EIF4E3: variants seen among roughly 807,000 people sequenced by gnomAD.
EIF4E3 encodes eukaryotic translation initiation factor 4E type 3.
EIF4E3 carries 26 observed loss-of-function variants against 31.7 expected under a neutral mutation model. That is an observed-to-expected ratio of 0.82 (90% CI 0.60 to 1.14). EIF4E3 has a LOEUF of 1.14. Among genes scored for constraint, EIF4E3 ranks in the 50% most tolerant of loss-of-function variants. The pLI, the probability that EIF4E3 is intolerant of heterozygous loss-of-function variation, is 0.00. For missense variants in EIF4E3, 304 were observed against 270.9 expected (o/e 1.12, Z -0.86); for synonymous variants, 128 against 107.7 (o/e 1.19, Z -1.17).
rs888387470 is a variant in EIF4E3, at chr3:71,725,384, G to T, written c.-17C>A. 5 of 977,992 alleles carry T rather than the reference G, an allele frequency of 5.1e-6. No individual in the cohort carries two copies. In the African/African-American group the frequency reaches 8.9e-5, roughly 17 times the overall value. 60.6% of individuals were successfully genotyped at this position (977,992 alleles called of 1,614,324 possible). A position where few individuals can be genotyped will look rare whatever the true frequency, so the allele number is the denominator to read the frequency against. On this transcript the variant is annotated 5_prime_UTR_variant, in exon 1 of 7. Transcript: ENST00000425534. This position sits in a 1 kb window ranked among gnomAD's most constrained non-coding sequence, Gnocchi z 6.1. ...CAGCGCCATTTTCTCCGCCCCGCCT[G>T]CAAGGCCGGCGGACGCGCGGACCGC...
At chr3:71,711,623 A>C (rs1415413915) in intron 1 of EIF4E3, among the ~76,000 whole-genome samples, 1 of 152,234 alleles carries the variant, frequency 6.6e-6, no homozygotes, top group Non-Finnish European at 1.5e-5. Flanking sequence ...CACAGCAAGG[A>C]CTACAGTCCT....
intron 4 of EIF4E3, 134 bp from the exon 5 acceptor site, chr3:71,694,075 G>C (rs1048565357): frequency 1.3e-6 from 1 of 763,462 alleles, no homozygotes; most frequent in Non-Finnish European, 2.0e-6. Context: ...GGAGTCCACA[G>C]ACACCTCCAA....
chr3:71,684,622 C>T lies in EIF4E3; in HGVS notation c.*60G>A, dbSNP rs2048966230. Reference sequence around the variant, plus strand: ...GCAAGTCTTCTCTTCACTCTCCCTCCTGTTAAGACCGTTTCCAAAACCAAT... The same window carrying T: ...GCAAGTCTTCTCTTCACTCTCCCTCTTGTTAAGACCGTTTCCAAAACCAAT... On this transcript the variant is annotated 3_prime_UTR_variant, in exon 7 of 7. Transcript: ENST00000425534. The T allele has an allele frequency of 3.1e-6, 5 of 1,602,862 alleles. No individual in the cohort carries two copies. Among genetic ancestry groups the T allele is most frequent in the Admixed American group, 1.7e-5 (1 of 59,610 alleles).
At chr3:71,751,293 G>A (rs1276258224) in intron 1 of EIF4E3, among the ~76,000 whole-genome samples, 1 of 152,174 alleles carries the variant, frequency 6.6e-6, no homozygotes, top group East Asian at 1.9e-4. Flanking sequence ...TAAAGTAAGT[G>A]TAAGTGGTGA....
At chr3:71,696,372 G>A (rs2049135761) in intron 4 of EIF4E3, 88 bp downstream of exon 4, 1 of 1,445,702 alleles carries the variant, frequency 6.9e-7, no homozygotes, top group African/African-American at 1.4e-5. Flanking sequence ...CAGGTAAATA[G>A]GCTATCTGCA....
At chr3:71,722,406 C>G (rs1434265870) in intron 1 of EIF4E3, among the ~76,000 whole-genome samples, 1 of 152,174 alleles carries the variant, frequency 6.6e-6, no homozygotes, top group South Asian at 2.1e-4. Flanking sequence ...AAGAAGAGGC[C>G]TGAGGCCTGA....
At chr3:71,672,630 A>C (rs78585360), downstream of EIF4E3, among the ~76,000 whole-genome samples, 558 of 152,284 alleles carry the variant, frequency 3.7e-3, 8 homozygotes, top group East Asian at 0.036. Flanking sequence ...ATTTGTCATC[A>C]AGTAAAACGT....
chr3:71,692,832 T>C (rs549310950), intron 5 of EIF4E3, among the ~76,000 whole-genome samples: 1 of 152,292 alleles, frequency 6.6e-6, no homozygotes, highest in Admixed American at 6.5e-5. Flanking sequence ...TGGCCTCAAG[T>C]GATCCTCCCA....
At position 71,699,369 on chromosome 3, in the gene EIF4E3, A is replaced by C. The variant is rs1236803479; in HGVS notation, c.344+245T>G. Among the ~76,000 whole-genome samples, 3 of 152,210 alleles carry C rather than the reference A, an allele frequency of 2.0e-5. No individual in the cohort carries two copies. In the East Asian group the frequency reaches 5.8e-4, roughly 29 times the overall value. ...AAATAATGCAGAAAGACTGAATGAC[A>C]TGACATAAGGATTTATTACTAACTG... On this transcript the variant is annotated intron_variant, in intron 3 of 6. Coordinates refer to ENST00000425534, the MANE Select transcript of EIF4E3 (RefSeq NM_001134651.2).
In EIF4E3 at chr3:71,683,019, T is replaced by C. The variant is rs2048942230; in HGVS notation, c.*1663A>G. On this transcript the variant is annotated 3_prime_UTR_variant, in exon 7 of 7. Transcript: ENST00000425534. ...TTAGTACAATGTTTGGAGAAACAAG[T>C]CCTAGGCTTTTGCTAACTGGATCTG... 1 of 152,076 alleles carries C rather than the reference T, an allele frequency of 6.6e-6. No individual in the cohort carries two copies. The highest frequency in any genetic ancestry group is 2.4e-5 in the African/African-American group (1 of 41,382). The allele number at this position is 152,076 out of a possible 1,614,324, so 9.4% of individuals were successfully genotyped here. A position where few individuals can be genotyped will look rare whatever the true frequency, so the allele number is the denominator to read the frequency against.
chr3:71,710,824 G>C (rs2049367896), intron 1 of EIF4E3, among the ~76,000 whole-genome samples: 1 of 152,190 alleles, frequency 6.6e-6, no homozygotes, highest in Non-Finnish European at 1.5e-5. Context: ...CAGGACTTTA[G>C]ATGAGAAACT....
chr3:71,729,314 C>T (rs1300793910), upstream of EIF4E3: 1 of 152,182 alleles, frequency 6.6e-6, no homozygotes, highest in Non-Finnish European at 1.5e-5. Flanking sequence ...TTCAGGGACA[C>T]TGGAAGTCAC....
At position 71,725,357 on chromosome 3, in the gene EIF4E3, G is replaced by T; in HGVS notation, c.11C>A (p.Pro4His). The change falls in exon 1 of 7, where the codon CCC becomes CAC. Residue 4 changes from proline to histidine, a missense_variant. Transcript: ENST00000425534. The surrounding 1 kb of genome is among the most constrained non-coding windows in gnomAD (Gnocchi z 6.1). ...CCCGGCGGGGGGCGCGGCGGCCGGG[G>T]GCAGCGCCATTTTCTCCGCCCCGCC... MAL[P>H]PAAAPPAGAR... The T allele has an allele frequency of 1.0e-6, 1 of 977,190 alleles. No homozygotes were observed. The highest frequency in any genetic ancestry group is 1.8e-5 in the African/African-American group (1 of 56,504). The allele number at this position is 977,190 out of a possible 1,614,324, so 60.5% of individuals were successfully genotyped here.
At chr3:71,665,948 C>T in the EIF4E3 span, among the ~76,000 whole-genome samples, 8 of 152,318 alleles carry the variant, frequency 5.3e-5, no homozygotes, top group Non-Finnish European at 8.8e-5. Context: ...TCAGCTAAAG[C>T]AGTTTTTAGA....
intron 3 of EIF4E3, among the ~76,000 whole-genome samples, chr3:71,697,394 C>T (rs1026940128): frequency 5.9e-5 from 9 of 152,194 alleles, no homozygotes; most frequent in African/African-American, 1.4e-4. Context: ...CTATCCATCA[C>T]CTCGAGTCTT....
upstream of EIF4E3, chr3:71,754,588 C>T (rs1426338209): frequency 1.1e-5 from 15 of 1,416,932 alleles, no homozygotes; most frequent in African/African-American, 1.5e-5. This position sits in a 1 kb window ranked among gnomAD's most constrained non-coding sequence, Gnocchi z 5.8. Context: ...CCCGACGGCG[C>T]CCCCGGCGCG....
intron 1 of EIF4E3, among the ~76,000 whole-genome samples, chr3:71,750,378 T>C (rs1448419997): frequency 1.3e-5 from 2 of 152,198 alleles, no homozygotes; most frequent in Non-Finnish European, 2.9e-5. Flanking sequence ...GGTAGTGACC[T>C]AGGAGTGGGA....
intron 5 of EIF4E3, 41 bp from the exon 6 acceptor site, chr3:71,690,206 C>T (rs771007658): frequency 3.1e-5 from 48 of 1,554,824 alleles, no homozygotes; most frequent in Non-Finnish European, 4.0e-5. Flanking sequence ...AGTGATACTT[C>T]CAAGTCAGTC....
chr3:71,738,284 TTCCCCTACC>T (rs2108146380), intron 1 of EIF4E3, among the ~76,000 whole-genome samples: 1 of 152,292 alleles, frequency 6.6e-6, no homozygotes, highest in African/African-American at 2.4e-5. Flanking sequence ...ACTGTGATCC[TTCCCCTACC>T]TAAGCCAGCA....
Sources: gnomAD v4.1 joint callset for allele counts (sites outside exome capture counted in the v4.1 genomes callset) on GRCh38, gnomAD v4.1.1 for gene constraint, Gnocchi (gnomAD v3.1) non-coding constraint, MANE v1.5 for transcripts, NCBI Gene and HGNC (gene_info 2026-07-23, HGNC 2026-07-21) for gene names.